USP12: variants seen among roughly 807,000 people sequenced by gnomAD.
The protein encoded by USP12 is ubiquitin specific peptidase 12, also known as ubiquitin carboxyl-terminal hydrolase 12.
Under a neutral mutation model 45.5 loss-of-function variants are expected in USP12, and 19 were observed. The observed-to-expected ratio is 0.42, with a 90% CI of 0.29 to 0.61. USP12 has a LOEUF of 0.61. USP12 is among the 20% of genes least tolerant of loss of function. The pLI is 0.22. For missense variants in USP12, 242 were observed against 447.7 expected (o/e 0.54, Z 4.15); for synonymous variants, 149 against 148.8 (o/e 1.00, Z -0.01).
chr13:27,143,073 CAG>C (rs1654699535), intron 1 of USP12, among the ~76,000 whole-genome samples: 1 of 137,816 alleles, frequency 7.3e-6, no homozygotes, highest in Non-Finnish European at 1.5e-5. Context: ...AGCCTGGCAA[CAG>C]AGTGAGACTC....
At chr13:27,079,675 C>T (rs1156441196) in intron 6 of USP12, among the ~76,000 whole-genome samples, 1 of 152,152 alleles carries the variant, frequency 6.6e-6, no homozygotes, top group Non-Finnish European at 1.5e-5. Flanking sequence ...AAGTAAATTT[C>T]CTATTTTTAT....
chr13:27,137,695 A>G (rs956967391), intron 1 of USP12, among the ~76,000 whole-genome samples: 1 of 152,188 alleles, frequency 6.6e-6, no homozygotes, highest in Non-Finnish European at 1.5e-5. Context: ...GCTAGTATCC[A>G]TGCCTTTGTA....
intron 1 of USP12, among the ~76,000 whole-genome samples, chr13:27,124,727 A>G (rs1876147423): frequency 6.6e-6 from 1 of 152,238 alleles, no homozygotes; most frequent in African/African-American, 2.4e-5. Flanking sequence ...AAACACAACA[A>G]AGAAGTGAAT....
chr13:27,100,784 T>G (rs761155032), intron 3 of USP12, among the ~76,000 whole-genome samples: 9 of 152,130 alleles, frequency 5.9e-5, no homozygotes, highest in Non-Finnish European at 1.3e-4. Context: ...ACTGGAAAAG[T>G]CCTAGAGGAA....
At chr13:27,108,309 T>C (rs1478191330) in intron 2 of USP12, among the ~76,000 whole-genome samples, 4 of 151,502 alleles carry the variant, frequency 2.6e-5, no homozygotes, top group African/African-American at 4.9e-5. Context: ...CGCATGTTCT[T>C]ACTCATAGAT....
At chr13:27,115,752 C>T (rs1225874842) in intron 2 of USP12, among the ~76,000 whole-genome samples, 1 of 152,074 alleles carries the variant, frequency 6.6e-6, no homozygotes, top group African/African-American at 2.4e-5. Context: ...GCTTTTTCCC[C>T]ACATTTCACA....
At chr13:27,146,743 G>A (rs557583751) in intron 1 of USP12, among the ~76,000 whole-genome samples, 57 of 152,224 alleles carry the variant, frequency 3.7e-4, no homozygotes, top group African/African-American at 1.4e-3. Flanking sequence ...GTTATGCATT[G>A]AACTATGCAC....
chr13:27,088,759 C>T (rs1874184204), intron 6 of USP12, among the ~76,000 whole-genome samples: 1 of 152,144 alleles, frequency 6.6e-6, no homozygotes, highest in African/African-American at 2.4e-5. Context: ...TGGGTGCTTG[C>T]CTGGCTTTCT....
intron 3 of USP12, among the ~76,000 whole-genome samples, chr13:27,099,389 T>C (rs1874753680): frequency 6.6e-6 from 1 of 152,198 alleles, no homozygotes; most frequent in Non-Finnish European, 1.5e-5. Flanking sequence ...TCTCGCTATG[T>C]TGTCCAGGCT....
intron 4 of USP12, among the ~76,000 whole-genome samples, chr13:27,091,332 T>A (rs1874304572): frequency 6.6e-6 from 1 of 152,098 alleles, no homozygotes; most frequent in South Asian, 2.1e-4. Flanking sequence ...CAAAATCAAT[T>A]TTGTATTCCT....
chr13:27,108,676 G>A (rs2137789662), intron 2 of USP12, among the ~76,000 whole-genome samples: 1 of 152,262 alleles, frequency 6.6e-6, no homozygotes, highest in South Asian at 2.1e-4. Context: ...GACATTTTAG[G>A]CTGGGTACAA....
intron 6 of USP12, among the ~76,000 whole-genome samples, chr13:27,078,302 T>C (rs1025462802): frequency 3.9e-5 from 6 of 152,296 alleles, no homozygotes; most frequent in African/African-American, 1.4e-4. Flanking sequence ...TACATTGTAT[T>C]AGGTACCAAA....
chr13:27,160,210 T>G (rs1000671579), intron 1 of USP12, among the ~76,000 whole-genome samples: 4 of 152,200 alleles, frequency 2.6e-5, no homozygotes, highest in African/African-American at 9.7e-5. Context: ...AAGGGCAACA[T>G]AATGTCTCCA....
intron 2 of USP12, among the ~76,000 whole-genome samples, chr13:27,109,912 CAA>C (rs58500654): frequency 9.2e-6 from 1 of 108,374 alleles, no homozygotes; most frequent in African/African-American, 3.6e-5. Flanking sequence ...ACTCTGTCTC[CAA>C]AAAAAAAAAA....
intron 1 of USP12, among the ~76,000 whole-genome samples, chr13:27,166,998 AGT>A (rs1227416198): frequency 1.3e-5 from 2 of 152,188 alleles, no homozygotes; most frequent in Non-Finnish European, 2.9e-5. Flanking sequence ...GTGGGTAAAC[AGT>A]GTAAAACTAT....
chr13:27,071,646 G>C (rs1407882788), intron 7 of USP12, among the ~76,000 whole-genome samples: 2 of 152,052 alleles, frequency 1.3e-5, no homozygotes, highest in African/African-American at 2.4e-5. Context: ...AATCAAGCCT[G>C]AACTTCATAA....
chr13:27,134,897 G>A (rs1023214988), intron 1 of USP12, among the ~76,000 whole-genome samples: 5 of 152,140 alleles, frequency 3.3e-5, no homozygotes, highest in Admixed American at 1.3e-4. Flanking sequence ...TTAAAGTGCC[G>A]TAAACAGACG....
At chr13:27,158,585 C>T (rs757199255) in intron 1 of USP12, among the ~76,000 whole-genome samples, 2 of 152,180 alleles carry the variant, frequency 1.3e-5, no homozygotes, top group Non-Finnish European at 1.5e-5. Flanking sequence ...CAAACCTGTA[C>T]AGCATATGAC....
Position 27,067,906 on chromosome 13 carries a change from TA to T in USP12, c.*1376del, listed in dbSNP as rs1405618502. 2 of 152,232 alleles carry T rather than the reference TA, an allele frequency of 1.3e-5. No individual in the cohort carries two copies. Among genetic ancestry groups the T allele is most frequent in the Non-Finnish European group, 2.9e-5 (2 of 68,030 alleles). The allele number at this position is 152,232 out of a possible 1,614,324, so 9.4% of individuals were successfully genotyped here. Reference sequence around the variant, plus strand: ...TCCAAAAAAACTGCAATCGTTTACATATATTTTATGTTACATATATTACTTC... The same window carrying T: ...TCCAAAAAAACTGCAATCGTTTACATTATTTTATGTTACATATATTACTTC... On this transcript the variant is annotated 3_prime_UTR_variant, in exon 9 of 9. Coordinates refer to ENST00000282344, the MANE Select transcript of USP12 (RefSeq NM_182488.4).
Sources: gnomAD v4.1 joint callset for allele counts (sites outside exome capture counted in the v4.1 genomes callset) on GRCh38, gnomAD v4.1.1 for gene constraint, MANE v1.5 for transcripts, NCBI Gene and HGNC (gene_info 2026-07-23, HGNC 2026-07-21) for gene names.